The following MARK3 variants were observed in gnomAD, a reference collection of about 807,000 sequenced individuals.
MARK3 encodes MAP/microtubule affinity-regulating kinase 3.
A neutral mutation model predicts 90.1 loss-of-function variants in MARK3; 46 were observed. That is an observed-to-expected ratio of 0.51 (90% CI 0.40 to 0.65). MARK3 has a LOEUF of 0.65. Among genes scored for constraint, MARK3 ranks in the 30% least tolerant of loss-of-function variants. The pLI is 0.00. For missense variants in MARK3, 818 were observed against 947.2 expected, an observed-to-expected ratio of 0.86 and a Z score of 1.79; for synonymous variants, 321 against 332.6, an observed-to-expected ratio of 0.97 and a Z score of 0.38.
chr14:103,434,725 G>T (rs2092673883), intron 3 of MARK3, among the ~76,000 whole-genome samples: 1 of 152,180 alleles, frequency 6.6e-6, no homozygotes, highest in Non-Finnish European at 1.5e-5. Context: ...TTGGCAAGTT[G>T]TAGCCAGATA....
At chr14:103,441,644 C>T (rs2092859360) in intron 3 of MARK3, 1 of 152,094 alleles carries the variant, frequency 6.6e-6, no homozygotes, top group Non-Finnish European at 1.5e-5. Context: ...ATATTTTTCT[C>T]TGTTGTCTTC....
intron 3 of MARK3, among the ~76,000 whole-genome samples, chr14:103,437,527 G>A (rs943556748): frequency 2.0e-5 from 3 of 152,246 alleles, no homozygotes; most frequent in Admixed American, 6.5e-5. Flanking sequence ...TCCTCCTTCC[G>A]AGGATTCCAA....
chr14:103,389,570 C>G (rs1427724715), intron 1 of MARK3, among the ~76,000 whole-genome samples: 1 of 74,356 alleles, frequency 1.3e-5, no homozygotes, highest in African/African-American at 5.3e-5. Flanking sequence ...GCAACATTAT[C>G]TTCATCCTTG....
At chr14:103,458,566 G>A (rs1011938464) in intron 6 of MARK3, among the ~76,000 whole-genome samples, 4 of 151,814 alleles carry the variant, frequency 2.6e-5, no homozygotes, top group Non-Finnish European at 5.9e-5. Context: ...GCCGGATGTA[G>A]CCAGAGGCCA....
In MARK3 at chr14:103,386,093, G is replaced by C; in HGVS notation, c.51+13G>C. 3.7e-6 allele frequency: 6 copies of C among 1,614,018 alleles called. No homozygotes were observed. Among genetic ancestry groups the C allele is most frequent in the Non-Finnish European group, 5.1e-6 (6 of 1,179,844 alleles). On this transcript the variant is annotated intron_variant, in intron 1 of 17. Transcript: ENST00000429436. Reference sequence around the variant, plus strand: ...AGACACTGAAAACGTAAGTAACCTGGGCGTTGTAGTTGGCGGACCTTCGGG... The same window carrying C: ...AGACACTGAAAACGTAAGTAACCTGCGCGTTGTAGTTGGCGGACCTTCGGG...
At chr14:103,419,178 G>A (rs1326616482) in intron 2 of MARK3, among the ~76,000 whole-genome samples, 1 of 152,116 alleles carries the variant, frequency 6.6e-6, no homozygotes, top group Non-Finnish European at 1.5e-5. Flanking sequence ...TGTAGTCCCA[G>A]CTACCAGGAG....
intron 2 of MARK3, chr14:103,412,073 T>C (rs1424811197): frequency 1.9e-6 from 1 of 536,744 alleles, no homozygotes; most frequent in African/African-American, 2.0e-5. Context: ...GGTTTTTTGT[T>C]TTTTGTTTTT....
intron 2 of MARK3, among the ~76,000 whole-genome samples, chr14:103,418,426 T>C (rs1371677416): frequency 2.6e-5 from 4 of 152,146 alleles, no homozygotes; most frequent in African/African-American, 7.2e-5. Context: ...TAGGACATGT[T>C]TGACCACAGA....
intron 6 of MARK3, among the ~76,000 whole-genome samples, chr14:103,460,100 T>TTG (rs2093368071): frequency 8.9e-6 from 1 of 112,722 alleles, no homozygotes; most frequent in Admixed American, 9.2e-5. Flanking sequence ...TTTTTTTTTT[T>TTG]TTTTGAGACA....
At position 103,462,464 on chromosome 14, in the gene MARK3, G is replaced by C. The variant is rs2093421015; in HGVS notation, c.540+3G>C. 1.9e-6 allele frequency: 3 copies of C among 1,597,808 alleles called. No individual in the cohort carries two copies. The South Asian group carries it at 3.3e-5, about 18-fold the overall frequency. ...GGATCGTACATCGAGACCTCAAGGTGAGTAGAAGTGCCTCACTCAGTGTAT... is the reference window on the plus strand; with the variant it reads ...GGATCGTACATCGAGACCTCAAGGTCAGTAGAAGTGCCTCACTCAGTGTAT... On this transcript the variant is annotated splice_donor_region_variant and intron_variant, in intron 7 of 17. Coordinates refer to ENST00000429436, the MANE Select transcript of MARK3 (RefSeq NM_001128918.3).
intron 17 of MARK3, 48 bp downstream of exon 17, chr14:103,500,248 A>G (rs751275490): frequency 2.2e-6 from 3 of 1,395,190 alleles, no homozygotes; most frequent in Non-Finnish European, 3.0e-6. Context: ...TGTTTACTTC[A>G]TTTCTGTGGC....
At chr14:103,400,943 T>TTGTG (rs61635275) in intron 1 of MARK3, among the ~76,000 whole-genome samples, 27,140 of 123,312 alleles carry the variant, frequency 0.22, 3,133 homozygotes, top group Middle Eastern at 0.3. Context: ...ATATAACATT[T>TTGTG]TGTGTGTGTG....
chr14:103,405,137 G>C lies in MARK3; in HGVS notation c.113G>C (p.Arg38Pro). ...VTSRTSRSGA[R>P]CRNSIASCAD... is the part of the protein sequence containing the mutation. ...TCTCGTACCAGCCGCTCAGGAGCTC[G>C]GTGTAGAAACTCTATAGCCTCCTGT... is the stretch of plus-strand genomic sequence containing the variant. The change falls in exon 2 of 18, where the codon CGG (arginine) becomes CCG (proline). Residue 38 changes from arginine to proline, a missense_variant. By Grantham distance (103) the Arg-to-Pro change is moderately radical (BLOSUM62 -2). Coordinates refer to ENST00000429436, the MANE Select transcript of MARK3 (RefSeq NM_001128918.3). The C allele has an allele frequency of 1.2e-6, 2 of 1,613,846 alleles. No homozygotes were observed. Among genetic ancestry groups the C allele is most frequent in the African/African-American group, 1.3e-5 (1 of 74,992 alleles).
At chr14:103,388,925 T>C (rs528846144) in intron 1 of MARK3, among the ~76,000 whole-genome samples, 1 of 152,360 alleles carries the variant, frequency 6.6e-6, no homozygotes, top group South Asian at 2.1e-4. Context: ...TCACCAGTGA[T>C]GGACATTTTT....
chr14:103,412,350 C>T (rs765735463), intron 2 of MARK3: 9 of 626,350 alleles, frequency 1.4e-5, no homozygotes, highest in Middle Eastern at 4.5e-4. Flanking sequence ...GTGTTTTCAT[C>T]GTGTGTGAGC....
In MARK3 at chr14:103,475,083, C is replaced by G; in HGVS notation, c.1355C>G (p.Ser452Cys). The change falls in exon 13 of 18, where the codon TCC becomes TGC. Residue 452 changes from serine to cysteine, a missense_variant. Physicochemically the swap from Ser to Cys is moderately radical, Grantham distance 112. This residue lies in a region of MARK3 where 560 missense variants were observed against 613.5 expected (regional missense o/e 0.91). Coordinates refer to ENST00000429436, the MANE Select transcript of MARK3 (RefSeq NM_001128918.3). The part of the protein sequence containing the change: ...DSDLKEDGIS[S>C]RKSSGSAVGG... ...GACCTCAAAGAAGATGGAATTTCCT[C>G]CCGGAAATCAAGTGGCAGTGCTGTT... 1.2e-6 allele frequency: 2 copies of G among 1,614,144 alleles called. No individual in the cohort carries two copies. Among genetic ancestry groups the G allele is most frequent in the Admixed American group, 1.7e-5 (1 of 60,022 alleles).
intron 2 of MARK3, among the ~76,000 whole-genome samples, chr14:103,421,156 C>T (rs1018335665): frequency 6.6e-6 from 1 of 152,104 alleles, no homozygotes; most frequent in Non-Finnish European, 1.5e-5. Context: ...CTCAAGTGTG[C>T]GTTACAGTGC....
intron 14 of MARK3, among the ~76,000 whole-genome samples, chr14:103,485,902 G>A (rs922254672): frequency 1.3e-5 from 2 of 152,054 alleles, no homozygotes; most frequent in African/African-American, 4.8e-5. Context: ...AATTTTAAAA[G>A]ATAGTCATGA....
In MARK3 at chr14:103,468,090, A is replaced by C. The variant is rs201880493; in HGVS notation, c.1168A>C (p.Ser390Arg). The change falls in exon 12 of 18, where the codon AGC (serine) becomes CGC (arginine). Residue 390 changes from serine (S) to arginine (R), a missense_variant. By Grantham distance (110) the Ser-to-Arg change is moderately radical (BLOSUM62 -1). This residue lies in a region of MARK3 where 560 missense variants were observed against 613.5 expected (regional missense o/e 0.91). Transcript: ENST00000429436. Reference sequence around the variant, plus strand: ...TCTTTCACTTGCTAAGGTTAGGCCGAGCAGTGATCTCAACAACAGTACTGG... The same window carrying C: ...TCTTTCACTTGCTAAGGTTAGGCCGCGCAGTGATCTCAACAACAGTACTGG... ...SNLSLAKVRP[S>R]SDLNNSTGQS... 1.2e-4 allele frequency: 191 copies of C among 1,613,892 alleles called. No individual in the cohort carries two copies. Among genetic ancestry groups the C allele is most frequent in the Non-Finnish European group, 9.0e-5 (106 of 1,180,008 alleles).
Sources: gnomAD v4.1 joint callset for allele counts (sites outside exome capture counted in the v4.1 genomes callset) on GRCh38, gnomAD v4.1.1 for gene constraint, gnomAD v4.1.1 regional missense constraint, MANE v1.5 for transcripts, NCBI Gene and HGNC (gene_info 2026-07-23, HGNC 2026-07-21) for gene names.